SKP2: variants seen among roughly 807,000 people sequenced by gnomAD.
SKP2 encodes the protein S-phase kinase associated protein 2.
Under a neutral mutation model 51.8 loss-of-function variants are expected in SKP2, and 16 were observed. The ratio of observed to expected loss-of-function variants is 0.31; its 90% CI spans 0.21 to 0.47. The LOEUF (loss-of-function observed/expected upper bound fraction) is 0.47. SKP2 is among the 20% of genes least tolerant of loss of function. The pLI is 1.00. For synonymous variants in SKP2, 176 were observed against 198.6 expected, an observed-to-expected ratio of 0.89 and a Z score of 0.96; for missense variants, 377 against 505.3, an observed-to-expected ratio of 0.75 and a Z score of 2.43.
At chr5:36,187,967 T>C (rs1745971965), downstream of SKP2, among the ~76,000 whole-genome samples, 1 of 152,242 alleles carries the variant, frequency 6.6e-6, no homozygotes, top group Admixed American at 6.5e-5. Flanking sequence ...TCTTGTTGAA[T>C]TGATCCCTTT....
Position 36,183,641 on chromosome 5 carries a change from A to T in SKP2, c.*1610A>T. On this transcript the variant is annotated 3_prime_UTR_variant, in exon 10 of 10. Transcript: ENST00000274255. ...TTCGTATGTTCAAAATGTAACAACA[A>T]AAAAAGCTAACACCAGTCATTTATA... is the stretch of plus-strand genomic sequence containing the variant. The T allele has an allele frequency of 4.1e-6, 5 of 1,216,480 alleles. No homozygotes were observed. The highest frequency in any genetic ancestry group is 5.1e-6 in the Non-Finnish European group (5 of 976,560). The allele number at this position is 1,216,480 out of a possible 1,614,324, so 75.4% of individuals were successfully genotyped here. A position where few individuals can be genotyped will look rare whatever the true frequency, so the allele number is the denominator to read the frequency against.
downstream of SKP2, among the ~76,000 whole-genome samples, chr5:36,184,746 A>G (rs1394428802): frequency 6.6e-6 from 1 of 152,222 alleles, no homozygotes; most frequent in Non-Finnish European, 1.5e-5. Flanking sequence ...TCTTTATAGC[A>G]ACATGATTTA....
At chr5:36,179,453 T>C (rs1362584295) in intron 9 of SKP2, among the ~76,000 whole-genome samples, 2 of 152,186 alleles carry the variant, frequency 1.3e-5, no homozygotes, top group African/African-American at 4.8e-5. Context: ...TATAAAGTTT[T>C]CTTCCCCAGG....
chr5:36,162,016 A>G (rs528729527), intron 2 of SKP2, among the ~76,000 whole-genome samples: 1 of 152,300 alleles, frequency 6.6e-6, no homozygotes, highest in East Asian at 1.9e-4. Context: ...AGAGTTTCAT[A>G]CTTGTTGAAT....
At chr5:36,171,811 C>A in intron 7 of SKP2, 78 bp downstream of exon 7, 1 of 1,420,276 alleles carries the variant, frequency 7.0e-7, no homozygotes, top group Non-Finnish European at 9.8e-7. Context: ...CCTAATCATT[C>A]CTCCACATAA....
chr5:36,182,230 G>C lies in SKP2; in HGVS notation c.*199G>C. On this transcript the variant is annotated 3_prime_UTR_variant, in exon 10 of 10. Transcript: ENST00000274255. ...TTCTAAAAGCTTCTATCACTGCTTT[G>C]CTCTTAAGAGCCAAAGTTGTAGGCC... 1 of 1,366,424 alleles carries C rather than the reference G, an allele frequency of 7.3e-7. No homozygotes were observed. The highest frequency in any genetic ancestry group is 9.4e-7 in the Non-Finnish European group (1 of 1,061,504). The allele number at this position is 1,366,424 out of a possible 1,614,324, so 84.6% of individuals were successfully genotyped here.
intron 3 of SKP2, among the ~76,000 whole-genome samples, chr5:36,164,367 T>G (rs986000972): frequency 2.2e-4 from 33 of 152,202 alleles, no homozygotes; most frequent in Non-Finnish European, 1.5e-5. Flanking sequence ...GGCAACACTT[T>G]TCAAGTGTGG....
At chr5:36,161,878 A>G (rs1044277571) in intron 2 of SKP2, among the ~76,000 whole-genome samples, 7 of 152,214 alleles carry the variant, frequency 4.6e-5, no homozygotes, top group African/African-American at 1.7e-4. Context: ...AGAGGTGGAA[A>G]GCCTAGGAAG....
intron 2 of SKP2, among the ~76,000 whole-genome samples, chr5:36,159,666 G>A (rs560925484): frequency 6.6e-6 from 1 of 152,322 alleles, no homozygotes; most frequent in Admixed American, 6.5e-5. Context: ...GTTTACTGGA[G>A]TCCCCAGAAG....
chr5:36,182,140 A>T lies in SKP2; in HGVS notation c.*109A>T. 6.7e-7 allele frequency: 1 copy of T among 1,484,960 alleles called. No homozygotes were observed. Among genetic ancestry groups the T allele is most frequent in the Non-Finnish European group, 8.9e-7 (1 of 1,118,282 alleles). 92.0% of individuals were successfully genotyped at this position (1,484,960 alleles called of 1,614,324 possible). A position where few individuals can be genotyped will look rare whatever the true frequency, so the allele number is the denominator to read the frequency against. ...TATTCTTGGTTTTCCCTTTGCCTTC[A>T]TTCTGCAAGTATACTAGGGAGCCAT... On this transcript the variant is annotated 3_prime_UTR_variant, in exon 10 of 10. Coordinates refer to ENST00000274255, the MANE Select transcript of SKP2 (RefSeq NM_005983.4).
At chr5:36,187,028 C>A (rs1276136128), downstream of SKP2, among the ~76,000 whole-genome samples, 2 of 152,084 alleles carry the variant, frequency 1.3e-5, no homozygotes, top group Non-Finnish European at 2.9e-5. Flanking sequence ...AGTTTATTTG[C>A]GTAGAGGTGT....
At chr5:36,159,324 T>C (rs1265084636) in intron 2 of SKP2, among the ~76,000 whole-genome samples, 1 of 152,212 alleles carries the variant, frequency 6.6e-6, no homozygotes, top group East Asian at 1.9e-4. Context: ...CTGCTACTGC[T>C]CTTTTAATTG....
Position 36,183,608 on chromosome 5 carries a change from A to G in SKP2, c.*1577A>G, listed in dbSNP as rs1745884859. On this transcript the variant is annotated 3_prime_UTR_variant, in exon 10 of 10. Transcript: ENST00000274255. The stretch of plus-strand genomic sequence containing the variant: ...AAATCACAAAAACTAGTTTAAATTG[A>G]TGACTTGTTCGTATGTTCAAAATGT... 8.7e-7 allele frequency: 1 copy of G among 1,154,914 alleles called. No individual in the cohort carries two copies. Among genetic ancestry groups the G allele is most frequent in the Non-Finnish European group, 1.1e-6 (1 of 940,412 alleles). 71.5% of individuals were successfully genotyped at this position (1,154,914 alleles called of 1,614,324 possible).
chr5:36,155,589 T>C (rs1003110601), intron 2 of SKP2, among the ~76,000 whole-genome samples: 1 of 152,242 alleles, frequency 6.6e-6, no homozygotes, highest in African/African-American at 2.4e-5. Flanking sequence ...TTTTATCTTT[T>C]GTTTTTAATA....
At chr5:36,160,721 T>C (rs1269425845) in intron 2 of SKP2, among the ~76,000 whole-genome samples, 2 of 152,204 alleles carry the variant, frequency 1.3e-5, no homozygotes, top group Non-Finnish European at 2.9e-5. Context: ...GTCATTCAAC[T>C]TTGTTTTCAA....
chr5:36,161,592 G>T (rs1745123011), intron 2 of SKP2, among the ~76,000 whole-genome samples: 3 of 152,210 alleles, frequency 2.0e-5, no homozygotes, highest in Admixed American at 2.0e-4. Context: ...TTGAGACCTG[G>T]CTGAAAGCGT....
chr5:36,187,446 T>C (rs561003732), downstream of SKP2, among the ~76,000 whole-genome samples: 3 of 149,326 alleles, frequency 2.0e-5, no homozygotes, highest in South Asian at 4.3e-4. Context: ...TTTGTTCTCA[T>C]TCGTTTCAAA....
chr5:36,167,826 G>A (rs1745337226), intron 4 of SKP2, among the ~76,000 whole-genome samples: 2 of 152,084 alleles, frequency 1.3e-5, no homozygotes, highest in East Asian at 1.9e-4. Flanking sequence ...CACCATGCTG[G>A]CCAGGCTGGT....
chr5:36,187,037 GT>G (rs1163851923), downstream of SKP2, among the ~76,000 whole-genome samples: 1 of 152,168 alleles, frequency 6.6e-6, no homozygotes, highest in Non-Finnish European at 1.5e-5. Context: ...GCGTAGAGGT[GT>G]TTATAGTATT....
Sources: allele counts gnomAD v4.1 joint callset (sites outside exome capture counted in the v4.1 genomes callset), GRCh38; gene constraint gnomAD v4.1.1; transcripts MANE v1.5; gene names NCBI Gene and HGNC (gene_info 2026-07-23, HGNC 2026-07-21).